The following COL4A5 variants were observed in gnomAD, a reference collection of about 807,000 sequenced individuals.
COL4A5 encodes collagen type IV alpha 5 chain.
Under a neutral mutation model 130.2 loss-of-function variants are expected in COL4A5, and 26 were observed. The observed-to-expected ratio is 0.20, with a 90% CI of 0.15 to 0.28. The LOEUF (loss-of-function observed/expected upper bound fraction) is 0.28, where lower values mean the gene tolerates loss of function less well. COL4A5 is among the 10% of genes least tolerant of loss of function. COL4A5 has a pLI of 1.00. For synonymous variants in COL4A5, 496 were observed against 439.6 expected (o/e 1.13, Z -1.60); for missense variants, 1,131 against 1,344.3 (o/e 0.84, Z 2.48).
rs775726720 is a variant in COL4A5, at chrX:108,440,115, G to A, written c.-11G>A. 41 of 1,198,967 alleles carry A rather than the reference G, an allele frequency of 3.4e-5. 1 individual carries two copies. The highest frequency in any genetic ancestry group is 2.3e-4 in the Middle Eastern group (1 of 4,323). ...TGCGGGTGCTGAAGGAGCTGCGGGA[G>A]CCGGAGAAGAATGAAACTGCGTGGA... On this transcript the variant is annotated 5_prime_UTR_variant, in exon 1 of 53. Coordinates refer to ENST00000328300, the MANE Select transcript of COL4A5 (RefSeq NM_033380.3).
chrX:108,601,540 T>C, intron 26 of COL4A5, 55 bp downstream of exon 26: 1 of 859,745 alleles, frequency 1.2e-6, no homozygotes, highest in Non-Finnish European at 1.7e-6. Flanking sequence ...TTTTTTTTTT[T>C]TTTTTTGACA....
At chrX:108,472,240 C>CT (rs2064779517) in intron 1 of COL4A5, among the ~76,000 whole-genome samples, 1 of 110,913 alleles carries the variant, frequency 9.0e-6, no homozygotes, top group Non-Finnish European at 1.9e-5. Flanking sequence ...TTTTTTCAGA[C>CT]TTATTTTGTG....
intron 29 of COL4A5, 40 bp from the exon 30 acceptor site, chrX:108,614,871 G>C (rs748713555): frequency 1.1e-6 from 1 of 949,824 alleles, no homozygotes. Context: ...AGTGACTCAG[G>C]TGTTGCTTTT....
intron 1 of COL4A5, among the ~76,000 whole-genome samples, chrX:108,513,319 T>A (rs1174668540): frequency 9.0e-6 from 1 of 111,667 alleles, no homozygotes; most frequent in Non-Finnish European, 1.9e-5. Flanking sequence ...TTGCCTCAGT[T>A]TTCTCAAAAT....
At chrX:108,470,302 T>C (rs1046086541) in intron 1 of COL4A5, among the ~76,000 whole-genome samples, 2 of 112,272 alleles carry the variant, frequency 1.8e-5, no homozygotes, top group Non-Finnish European at 3.8e-5. Context: ...CACCAGCATC[T>C]GTTTTTTGTT....
At chrX:108,654,463 A>G (rs1056004958) in intron 36 of COL4A5, among the ~76,000 whole-genome samples, 5 of 112,398 alleles carry the variant, frequency 4.4e-5, no homozygotes, top group Non-Finnish European at 9.4e-5. Context: ...TTTTCTTGTT[A>G]AGAGGCAGGG....
intron 29 of COL4A5, 134 bp from the exon 30 acceptor site, chrX:108,614,777 T>G: frequency 1.9e-6 from 1 of 512,980 alleles, no homozygotes; most frequent in Non-Finnish European, 3.5e-6. Flanking sequence ...TCCTTTGCTC[T>G]TGATACTTAT....
intron 1 of COL4A5, among the ~76,000 whole-genome samples, chrX:108,446,472 A>G (rs867443748): frequency 2.7e-5 from 3 of 112,195 alleles, no homozygotes; most frequent in African/African-American, 6.5e-5. Flanking sequence ...GTTAAACGCT[A>G]TAAGTATTTT....
intron 9 of COL4A5, 95 bp from the exon 10 acceptor site, chrX:108,575,815 C>A (rs781768265): frequency 1.6e-6 from 1 of 610,200 alleles, no homozygotes; most frequent in Non-Finnish European, 2.7e-6. Context: ...CCAGCCTGGG[C>A]GACACAAGTG....
chrX:108,558,980 G>A (rs1327574295), intron 2 of COL4A5, 84 bp from the exon 3 acceptor site: 2 of 750,447 alleles, frequency 2.7e-6, no homozygotes, highest in East Asian at 6.3e-5. Context: ...TGTCTAGATA[G>A]TCATGTGATC....
In COL4A5 at chrX:108,542,133, A is replaced by C. The variant is rs191853235; in HGVS notation, c.141+2328A>C. On this transcript the variant is annotated intron_variant, in intron 2 of 52. Transcript: ENST00000328300. ...AATTTTTTTTTATTGTTATACTTTA[A>C]GTTCTAGGGTACATGTGCACAACGT... is the stretch of plus-strand genomic sequence containing the variant. Among the ~76,000 whole-genome samples the C allele has an allele frequency of 2.7e-5, 3 of 112,049 alleles. No individual in the cohort carries two copies. In the East Asian group the frequency reaches 8.4e-4, roughly 31 times the overall value.
intron 34 of COL4A5, 21 bp from the exon 35 acceptor site, chrX:108,625,684 T>C (rs2067139626): frequency 9.3e-7 from 1 of 1,077,543 alleles, no homozygotes; most frequent in African/African-American, 1.8e-5. Context: ...TGTCTTAATT[T>C]TACCAATTTG....
At chrX:108,558,930 G>A (rs2065865337) in intron 2 of COL4A5, 134 bp from the exon 3 acceptor site, 1 of 553,814 alleles carries the variant, frequency 1.8e-6, no homozygotes. Flanking sequence ...TCCCATGTTA[G>A]TAGATACTGT....
intron 35 of COL4A5, 144 bp from the exon 36 acceptor site, chrX:108,626,066 T>A (rs1328633658): frequency 3.1e-5 from 17 of 548,697 alleles, no homozygotes; most frequent in Non-Finnish European, 5.0e-5. Flanking sequence ...GGCTTTTATA[T>A]AATTGTGTTT....
chrX:108,692,911 G>A lies in COL4A5; in HGVS notation c.4692G>A (p.Gln1564=), dbSNP rs1407827840. 5.0e-6 allele frequency: 6 copies of A among 1,209,798 alleles called. No homozygotes were observed. The African/African-American group carries it at 1.0e-4, about 21-fold the overall frequency. The change falls in exon 50 of 53, where the codon CAG becomes CAA. Residue 1564 remains glutamine, a synonymous_variant. Coordinates refer to ENST00000328300, the MANE Select transcript of COL4A5 (RefSeq NM_033380.3). ...SMQPLKGQSI[Q]PFISRCAVCE... ...AACCCCTAAAGGGCCAGAGCATCCA[G>A]CCATTCATTAGTCGGTAAGGCATTG...
At position 108,440,139 on chromosome X, in the gene COL4A5, G is replaced by C; in HGVS notation, c.14G>C (p.Gly5Ala). 2.5e-6 allele frequency: 3 copies of C among 1,208,652 alleles called. No individual in the cohort carries two copies. Among genetic ancestry groups the C allele is most frequent in the Non-Finnish European group, 3.4e-6 (3 of 894,033 alleles). The change falls in exon 1 of 53, where the codon GGA (glycine) becomes GCA (alanine). Residue 5 changes from glycine to alanine, a missense_variant. Gly to Ala is a moderately conservative substitution (Grantham distance 60). Coordinates refer to ENST00000328300, the MANE Select transcript of COL4A5 (RefSeq NM_033380.3). The stretch of plus-strand genomic sequence containing the variant: ...AGCCGGAGAAGAATGAAACTGCGTG[G>C]AGTCAGCCTGGCTGCCGGCTTGTTC... MKLR[G>A]VSLAAGLFLL...
intron 1 of COL4A5, among the ~76,000 whole-genome samples, chrX:108,503,644 C>T (rs2065100170): frequency 8.9e-6 from 1 of 111,835 alleles, no homozygotes; most frequent in Non-Finnish European, 1.9e-5. Context: ...AAATCAAGAA[C>T]TCAGTCCCTT....
chrX:108,685,269 A>C (rs2068522570), intron 47 of COL4A5, among the ~76,000 whole-genome samples: 1 of 111,802 alleles, frequency 8.9e-6, no homozygotes, highest in Admixed American at 9.5e-5. Context: ...ACATTTCCCT[A>C]GTTCTCCTTT....
intron 29 of COL4A5, among the ~76,000 whole-genome samples, chrX:108,612,468 A>C (rs1240093750): frequency 9.0e-6 from 1 of 111,660 alleles, no homozygotes; most frequent in Non-Finnish European, 1.9e-5. Flanking sequence ...GACAAAGCAA[A>C]TATCTAAAAA....
Sources: allele counts gnomAD v4.1 joint callset (sites outside exome capture counted in the v4.1 genomes callset), GRCh38; gene constraint gnomAD v4.1.1; transcripts MANE v1.5; gene names NCBI Gene and HGNC (gene_info 2026-07-23, HGNC 2026-07-21).